The following TACR2 variants were observed in gnomAD, a reference collection of about 807,000 sequenced individuals.
TACR2 encodes the protein tachykinin receptor 2, also known as substance-K receptor.
TACR2 carries 24 observed loss-of-function variants against 28.9 expected under a neutral mutation model. That is an observed-to-expected ratio of 0.83 (90% CI 0.60 to 1.17). The LOEUF is 1.17. Ranked by LOEUF, TACR2 falls within the 50% of genes most tolerant of loss-of-function variation. TACR2 has a pLI of 0.00. For missense variants in TACR2, 487 were observed against 524.4 expected (o/e 0.93, Z 0.70); for synonymous variants, 222 against 212.6 (o/e 1.04, Z -0.38).
At chr10:69,410,265 C>T (rs1840558413) in intron 2 of TACR2, among the ~76,000 whole-genome samples, 1 of 151,774 alleles carries the variant, frequency 6.6e-6, no homozygotes, top group African/African-American at 2.4e-5. Context: ...GCCTGTAATC[C>T]CTAAACTTTG....
At chr10:69,405,943 G>C (rs1342485946) in intron 4 of TACR2, among the ~76,000 whole-genome samples, 2 of 152,224 alleles carry the variant, frequency 1.3e-5, no homozygotes, top group African/African-American at 2.4e-5. Context: ...TTTGTTGTAT[G>C]AATTTGGGAG....
chr10:69,413,334 C>T (rs1444127430), intron 2 of TACR2, among the ~76,000 whole-genome samples: 1 of 152,212 alleles, frequency 6.6e-6, no homozygotes, highest in Non-Finnish European at 1.5e-5. Flanking sequence ...CTAGCCCACC[C>T]CTGCCCGCCT....
Position 69,408,973 on chromosome 10 carries a change from G to A in TACR2, c.690C>T (p.Pro230=), listed in dbSNP as rs960467417. The change falls in exon 3 of 5, where the codon CCC becomes CCT. Residue 230 remains proline, a synonymous_variant. Transcript: ENST00000373306. The part of the protein sequence containing the change: ...IGLTLWRRAV[P]GHQAHGANLR... Reference sequence around the variant, plus strand: ...GGTTGGCACCGTGCGCCTGATGTCCGGGCACTGCGCGCCTCCAGAGCGTGA... The same window carrying A: ...GGTTGGCACCGTGCGCCTGATGTCCAGGCACTGCGCGCCTCCAGAGCGTGA... 6 of 1,600,624 alleles carry A rather than the reference G, an allele frequency of 3.7e-6. No homozygotes were observed. The highest frequency in any genetic ancestry group is 5.1e-6 in the Non-Finnish European group (6 of 1,176,090).
chr10:69,404,974 C>T lies in TACR2; in HGVS notation c.1049G>A (p.Arg350Lys), dbSNP rs975295050. The change falls in exon 5 of 5, where the codon AGG becomes AAG. Residue 350 changes from arginine (R) to lysine (K), a missense_variant. Transcript: ENST00000373306. The stretch of plus-strand genomic sequence containing the variant: ...GAACAAAGTCTCCTTAGTGTGACAC[C>T]TGTTGACTCTCGTGGAGAGGGAGGT... ...PTTSLSTRVN[R>K]CHTKETLFMA... The T allele has an allele frequency of 6.2e-7, 1 of 1,614,126 alleles. No homozygotes were observed. The highest frequency in any genetic ancestry group is 1.7e-5 in the Admixed American group (1 of 60,012).
At chr10:69,414,835 C>T in intron 2 of TACR2, 110 bp downstream of exon 2, 1 of 1,208,486 alleles carries the variant, frequency 8.3e-7, no homozygotes, top group Admixed American at 2.2e-5. Context: ...TACACCCATG[C>T]ATGCACACCA....
chr10:69,415,183 G>C (rs1840602803), intron 1 of TACR2, 44 bp from the exon 2 acceptor site: 2 of 1,573,548 alleles, frequency 1.3e-6, no homozygotes, highest in Non-Finnish European at 1.7e-6. Flanking sequence ...CCTCCTGTTA[G>C]CCCAGCTCCC....
intron 3 of TACR2, among the ~76,000 whole-genome samples, chr10:69,407,662 C>T (rs1220735002): frequency 2.0e-5 from 3 of 152,146 alleles, no homozygotes; most frequent in East Asian, 1.9e-4. Context: ...GTCAGCTATG[C>T]GTTCCCAGGA....
intron 2 of TACR2, among the ~76,000 whole-genome samples, chr10:69,414,475 T>A (rs1840594983): frequency 6.6e-6 from 1 of 152,216 alleles, no homozygotes; most frequent in Non-Finnish European, 1.5e-5. Flanking sequence ...TGTGCATGCA[T>A]GCATATCCTT....
intron 3 of TACR2, 120 bp from the exon 4 acceptor site, chr10:69,407,400 T>C: frequency 3.2e-6 from 3 of 946,426 alleles, no homozygotes; most frequent in Non-Finnish European, 4.7e-6. Flanking sequence ...CAGACCCCGT[T>C]AGCTCTATTA....
At position 69,415,950 on chromosome 10, in the gene TACR2, G is replaced by T. The variant is rs781311448; in HGVS notation, c.374C>A (p.Thr125Asn). Residue 125 changes from threonine to asparagine, a missense_variant, in exon 1 of 5, where the codon ACC (threonine) becomes AAC (asparagine). Physicochemically the swap from Thr to Asn is moderately conservative, Grantham distance 65 (BLOSUM62 0). Transcript: ENST00000373306. ...TAMFVSIYSMTAIAADRYMAI... is the reference protein window; with the variant it reads ...TAMFVSIYSMNAIAADRYMAI... ...CTCTTGCCTGTCGGCAGCAATGGCG[G>T]TCATGGAGTAGATGCTGACAAACAT... The T allele has an allele frequency of 1.2e-6, 2 of 1,613,848 alleles. No homozygotes were observed. The highest frequency in any genetic ancestry group is 1.7e-5 in the Admixed American group (1 of 60,030).
chr10:69,407,975 G>A (rs1197169953), intron 3 of TACR2, among the ~76,000 whole-genome samples: 3 of 152,196 alleles, frequency 2.0e-5, no homozygotes, highest in Non-Finnish European at 4.4e-5. Flanking sequence ...CTATCTCCCC[G>A]AACCACCCTG....
chr10:69,414,777 T>G (rs767844296), intron 2 of TACR2, among the ~76,000 whole-genome samples, 168 bp downstream of exon 2: 3 of 152,192 alleles, frequency 2.0e-5, no homozygotes, highest in Non-Finnish European at 4.4e-5. Flanking sequence ...TGTTGCTTAC[T>G]AAGCATATAG....
intron 2 of TACR2, among the ~76,000 whole-genome samples, chr10:69,409,829 A>C (rs1840544888): frequency 6.9e-6 from 1 of 145,386 alleles, no homozygotes. Context: ...CAGTATAGCC[A>C]TATATGTATA....
Position 69,404,597 on chromosome 10 carries a change from GAA to G in TACR2, c.*227_*228del. Reference sequence around the variant, plus strand: ...CTGCTTCTTGTCATGGTGGAAAGTGGAAGGGAAGTGTTGTGTGCAAAGAGATC... The same window carrying G: ...CTGCTTCTTGTCATGGTGGAAAGTGGGGGAAGTGTTGTGTGCAAAGAGATC... On this transcript the variant is annotated 3_prime_UTR_variant, in exon 5 of 5. Transcript: ENST00000373306. 4 of 363,014 alleles carry G rather than the reference GAA, an allele frequency of 1.1e-5. No homozygotes were observed. The highest frequency in any genetic ancestry group is 1.4e-4 in the South Asian group (1 of 7,358). 22.5% of individuals were successfully genotyped at this position (363,014 alleles called of 1,614,324 possible).
chr10:69,410,616 A>G (rs921335170), intron 2 of TACR2, among the ~76,000 whole-genome samples: 4 of 150,856 alleles, frequency 2.7e-5, no homozygotes, highest in African/African-American at 7.3e-5. Flanking sequence ...CAGGCTGGGG[A>G]CTGACTCCTC....
At chr10:69,412,071 T>C (rs1840573544) in intron 2 of TACR2, among the ~76,000 whole-genome samples, 1 of 152,168 alleles carries the variant, frequency 6.6e-6, no homozygotes, top group South Asian at 2.1e-4. Flanking sequence ...ACCACTGCCT[T>C]GGCCTCCCAA....
At position 69,405,037 on chromosome 10, in the gene TACR2, G is replaced by C; in HGVS notation, c.986C>G (p.Thr329Arg). 6.2e-7 allele frequency: 1 copy of C among 1,614,100 alleles called. No individual in the cohort carries two copies. Among genetic ancestry groups the C allele is most frequent in the Non-Finnish European group, 8.5e-7 (1 of 1,179,970 alleles). The change falls in exon 5 of 5, where the codon ACA (threonine) becomes AGA (arginine). Residue 329 changes from threonine (T) to arginine (R), a missense_variant. By Grantham distance (71) the Thr-to-Arg change is moderately conservative. Coordinates refer to ENST00000373306, the MANE Select transcript of TACR2 (RefSeq NM_001057.3). Reference sequence around the variant, plus strand: ...CTCGAGCTTATCTTCCTTGGTGGGTGTGACCCATGGGCAGCAGCGGAAGGC... The same window carrying C: ...CTCGAGCTTATCTTCCTTGGTGGGTCTGACCCATGGGCAGCAGCGGAAGGC... ...RLAFRCCPWV[T>R]PTKEDKLELT...
intron 3 of TACR2, among the ~76,000 whole-genome samples, chr10:69,408,245 C>T (rs1840522452): frequency 6.6e-6 from 1 of 152,190 alleles, no homozygotes; most frequent in Admixed American, 6.5e-5. Flanking sequence ...CTGGTCTCCA[C>T]GACCTCCGGG....
Position 69,408,926 on chromosome 10 carries a change from T to C in TACR2, c.737A>G (p.Lys246Arg). Residue 246 changes from lysine (K) to arginine (R), a missense_variant, in exon 3 of 5, where the codon AAG becomes AGG. Physicochemically the swap from Lys to Arg is conservative, Grantham distance 26. Coordinates refer to ENST00000373306, the MANE Select transcript of TACR2 (RefSeq NM_001057.3). ...GANLRHLQAMKKFVKTMVLVV... is the reference protein window; with the variant it reads ...GANLRHLQAMRKFVKTMVLVV... ...GGCCCCCGCCCCCGCGCCCACCTTC[T>C]TCATGGCCTGCAGGTGGCGCAGGTT... 6.9e-7 allele frequency: 1 copy of C among 1,447,034 alleles called. No homozygotes were observed. The allele number at this position is 1,447,034 out of a possible 1,614,324, so 89.6% of individuals were successfully genotyped here.
Sources: allele counts gnomAD v4.1 joint callset (sites outside exome capture counted in the v4.1 genomes callset), GRCh38; gene constraint gnomAD v4.1.1; transcripts MANE v1.5; gene names NCBI Gene and HGNC (gene_info 2026-07-23, HGNC 2026-07-21).